Variants in SLC12A9 observed in about 807,000 individuals in gnomAD.
SLC12A9 encodes the protein solute carrier family 12 member 9, also known as CCC-interacting protein 1.
Under a neutral mutation model 66.0 loss-of-function variants are expected in SLC12A9, and 55 were observed. The ratio of observed to expected loss-of-function variants is 0.83; its 90% confidence interval spans 0.67 to 1.04. SLC12A9 has a LOEUF of 1.04. SLC12A9 is among the 50% of genes least tolerant of loss of function. SLC12A9 has a pLI of 0.00. For missense variants in SLC12A9, 1,061 were observed against 1,241.9 expected, an observed-to-expected ratio of 0.85 and a Z score of 2.19; for synonymous variants, 577 against 569.0, an observed-to-expected ratio of 1.01 and a Z score of -0.20.
chr7:100,847,147 A>G (rs1202048792), intron 1 of SLC12A9, among the ~76,000 whole-genome samples: 3 of 152,172 alleles, frequency 2.0e-5, no homozygotes, highest in African/African-American at 4.8e-5. Context: ...TCTTTAACTC[A>G]GTGTCTGAGG....
Position 100,855,720 on chromosome 7 carries a change from A to G in SLC12A9, c.331A>G (p.Thr111Ala), listed in dbSNP as rs1398020298. ...GGGAYFMISR[T>A]LGPEVGGSIG... ...TCCACTTTCAGTCATGATCAGCCGCACACTGGGGCCCGAGGTCGGGGGCAG... is the reference window on the plus strand; with the variant it reads ...TCCACTTTCAGTCATGATCAGCCGCGCACTGGGGCCCGAGGTCGGGGGCAG... Residue 111 changes from threonine to alanine, a missense_variant, in exon 4 of 14, where the codon ACA becomes GCA. Physicochemically the swap from Thr to Ala is moderately conservative, Grantham distance 58. Transcript: ENST00000354161. 1 of 1,614,030 alleles carries G rather than the reference A, an allele frequency of 6.2e-7. No homozygotes were observed. The highest frequency in any genetic ancestry group is 8.5e-7 in the Non-Finnish European group (1 of 1,179,980).
In SLC12A9 at chr7:100,866,553, G is replaced by A; in HGVS notation, c.2693G>A (p.Gly898Asp). 6.3e-7 allele frequency: 1 copy of A among 1,587,342 alleles called. No homozygotes were observed. Among genetic ancestry groups the A allele is most frequent in the Non-Finnish European group, 8.6e-7 (1 of 1,168,094 alleles). The change falls in exon 14 of 14, where the codon GGC becomes GAC. Residue 898 changes from glycine (G) to aspartate (D), a missense_variant. Gly to Asp is a moderately conservative substitution (Grantham distance 94, BLOSUM62 -1). Coordinates refer to ENST00000354161, the MANE Select transcript of SLC12A9 (RefSeq NM_020246.4). The surrounding 1 kb of genome is among the most constrained non-coding windows in gnomAD (Gnocchi z 7.3). ...ALLETLTRDL[G>D]PTLLVHGVTP... Reference sequence around the variant, plus strand: ...CTGGAGACTCTAACCCGAGACCTGGGCCCCACGCTGCTGGTTCATGGGGTC... The same window carrying A: ...CTGGAGACTCTAACCCGAGACCTGGACCCCACGCTGCTGGTTCATGGGGTC...
In SLC12A9 at chr7:100,866,256, A is replaced by G. The variant is rs1815083106; in HGVS notation, c.2396A>G (p.Gln799Arg). 7.3e-7 allele frequency: 1 copy of G among 1,375,176 alleles called. No individual in the cohort carries two copies. Among genetic ancestry groups the G allele is most frequent in the East Asian group, 3.1e-5 (1 of 31,766 alleles). 85.2% of individuals were successfully genotyped at this position (1,375,176 alleles called of 1,614,324 possible). A position where few individuals can be genotyped will look rare whatever the true frequency, so the allele number is the denominator to read the frequency against. The change falls in exon 14 of 14, where the codon CAG becomes CGG. Residue 799 changes from glutamine (Q) to arginine (R), a missense_variant. By Grantham distance (43) the Gln-to-Arg change is conservative. Coordinates refer to ENST00000354161, the MANE Select transcript of SLC12A9 (RefSeq NM_020246.4). This position sits in a 1 kb window ranked among gnomAD's most constrained non-coding sequence, Gnocchi z 7.3. ...CAACTGAGGATCCGGGCTGAGGTGC[A>G]GGAGGTGGTGTGGGGCGAGGGGGCC... ...LSQLRIRAEVQEVVWGEGAGA... is the reference protein window; with the variant it reads ...LSQLRIRAEVREVVWGEGAGA...
chr7:100,834,075 C>T (rs1442181147), intron 1 of SLC12A9, among the ~76,000 whole-genome samples: 3 of 151,892 alleles, frequency 2.0e-5, no homozygotes, highest in Non-Finnish European at 2.9e-5. Flanking sequence ...GGTGGCTAAG[C>T]GCACAGCCTA....
intron 13 of SLC12A9, among the ~76,000 whole-genome samples, chr7:100,863,607 G>A (rs902948857): frequency 6.6e-6 from 1 of 152,188 alleles, no homozygotes; most frequent in Admixed American, 6.5e-5. Flanking sequence ...GATGTAACAT[G>A]TCTCCCCTGC....
At chr7:100,844,768 G>T (rs1021675718) in intron 1 of SLC12A9, among the ~76,000 whole-genome samples, 1 of 152,092 alleles carries the variant, frequency 6.6e-6, no homozygotes, top group Non-Finnish European at 1.5e-5. Context: ...GAATCAACGG[G>T]GCTGGACTGG....
intron 6 of SLC12A9, 49 bp from the exon 7 acceptor site, chr7:100,859,001 G>A: frequency 6.2e-7 from 1 of 1,612,068 alleles, no homozygotes; most frequent in Non-Finnish European, 8.5e-7. Context: ...GAGGGACCCA[G>A]GGGGATGGCT....
At chr7:100,836,349 A>C (rs532903027) in intron 1 of SLC12A9, among the ~76,000 whole-genome samples, 10 of 152,010 alleles carry the variant, frequency 6.6e-5, no homozygotes, top group Non-Finnish European at 1.5e-4. Context: ...GCCGGCACCG[A>C]GGGTAGCAGG....
rs780879851 is a variant in SLC12A9, at chr7:100,861,248, G to A, written c.1329G>A (p.Ser443=). ...CCTGCCTGAGCCTGGAGTGGGCCTC[G>A]GCCCCCAACTTCCGGTGAGAGACTC... ...DLSCLSLEWA[S]APNFRPTFSL... Residue 443 remains serine (S), a synonymous_variant, in exon 10 of 14, where the codon TCG becomes TCA. Coordinates refer to ENST00000354161, the MANE Select transcript of SLC12A9 (RefSeq NM_020246.4). The surrounding 1 kb of genome is among the most constrained non-coding windows in gnomAD (Gnocchi z 5.3). 6.8e-6 allele frequency: 11 copies of A among 1,614,162 alleles called. No individual in the cohort carries two copies. Among genetic ancestry groups the A allele is most frequent in the South Asian group, 2.2e-5 (2 of 91,080 alleles).
At chr7:100,862,568 C>A in intron 12 of SLC12A9, 113 bp from the exon 13 acceptor site, 1 of 1,286,740 alleles carries the variant, frequency 7.8e-7, no homozygotes, top group Admixed American at 1.9e-5. Context: ...TATCCTTTCC[C>A]ATGACCCCTC....
intron 1 of SLC12A9, among the ~76,000 whole-genome samples, chr7:100,835,651 A>G (rs1813640493): frequency 6.6e-6 from 1 of 150,918 alleles, no homozygotes; most frequent in African/African-American, 2.4e-5. Flanking sequence ...CTCCGTCTCA[A>G]AAAAAAAAAC....
At chr7:100,858,767 G>A (rs1814558232) in intron 5 of SLC12A9, 68 bp from the exon 6 acceptor site, 1 of 1,468,156 alleles carries the variant, frequency 6.8e-7, no homozygotes, top group African/African-American at 1.4e-5. Context: ...TGTGGAGAGG[G>A]TGGCTAAGAG....
intron 4 of SLC12A9, 58 bp from the exon 5 acceptor site, chr7:100,856,810 C>T: frequency 2.0e-6 from 3 of 1,479,762 alleles, no homozygotes; most frequent in Non-Finnish European, 2.7e-6. Context: ...CCCACCATGC[C>T]CGGCTGGTGG....
At position 100,835,658 on chromosome 7, in the gene SLC12A9, AAAC is replaced by A. The variant is rs1163713678; in HGVS notation, n.228+8617_228+8619del. On this transcript the variant is annotated intron_variant and non_coding_transcript_variant, in intron 1 of 1. Transcript: ENST00000461016. ...GAGCAAGACTCCGTCTCAAAAAAAA[AAAC>A]AACAAAAAAACAAAAACACACATAC... 2.0e-5 allele frequency among the ~76,000 whole-genome samples: 3 copies of A among 152,220 alleles called. No homozygotes were observed. The South Asian group carries it at 6.2e-4, about 32-fold the overall frequency.
rs1375519229 is a variant in SLC12A9, at chr7:100,861,736, G to T, written c.1537-1G>T. ...CCCCACTGCCTCACCCCTATACCCA[G>T]GTGCGTAAGTATCTGCTTCGGCTGG... is the stretch of plus-strand genomic sequence containing the variant. On this transcript the variant is annotated splice_acceptor_variant, in intron 11 of 13. Coordinates refer to ENST00000354161, the MANE Select transcript of SLC12A9 (RefSeq NM_020246.4). LOFTEE classifies it high-confidence loss of function. The surrounding 1 kb of genome is among the most constrained non-coding windows in gnomAD (Gnocchi z 5.3). 5 of 1,614,032 alleles carry T rather than the reference G, an allele frequency of 3.1e-6. No individual in the cohort carries two copies. The highest frequency in any genetic ancestry group is 4.2e-6 in the Non-Finnish European group (5 of 1,180,024).
upstream of SLC12A9, among the ~76,000 whole-genome samples, chr7:100,850,053 A>G (rs1441752642): frequency 1.3e-5 from 2 of 151,680 alleles, no homozygotes; most frequent in African/African-American, 4.8e-5. Flanking sequence ...TTGTATTTTT[A>G]GTAGAGACAG....
rs996466046 is a variant in SLC12A9 at position 100,853,959 on chromosome 7, C to T, written c.-42-197C>T. On this transcript the variant is annotated intron_variant, in intron 1 of 13. Transcript: ENST00000354161. ...GACCAGGGTGGTCTCGAACTCCTGA[C>T]CTCAGGTGATCCACCTGCCTCGTCC... 1.7e-4 allele frequency among the ~76,000 whole-genome samples: 26 copies of T among 152,098 alleles called. 1 individual carries two copies. Among genetic ancestry groups the T allele is most frequent in the Admixed American group, 1.3e-3 (20 of 15,278 alleles).
chr7:100,839,396 G>A (rs143324239), intron 1 of SLC12A9, among the ~76,000 whole-genome samples: 1 of 151,918 alleles, frequency 6.6e-6, no homozygotes, highest in African/African-American at 2.4e-5. Flanking sequence ...TGATGCCCCT[G>A]GCCGAATAAA....
intron 1 of SLC12A9, among the ~76,000 whole-genome samples, chr7:100,834,133 C>T (rs551425612): frequency 3.9e-5 from 6 of 151,934 alleles, no homozygotes; most frequent in Non-Finnish European, 8.8e-5. Flanking sequence ...GAAGCACAGC[C>T]GATGCAGGTT....
Sources: allele counts gnomAD v4.1 joint callset (sites outside exome capture counted in the v4.1 genomes callset), GRCh38; gene constraint gnomAD v4.1.1; non-coding constraint Gnocchi (gnomAD v3.1); transcripts MANE v1.5; gene names NCBI Gene and HGNC (gene_info 2026-07-23, HGNC 2026-07-21).